The following CCDC171 variants were observed in gnomAD, a reference collection of about 807,000 sequenced individuals.
CCDC171 encodes coiled-coil domain-containing protein 171.
Under a neutral mutation model 168.2 loss-of-function variants are expected in CCDC171, and 177 were observed. The observed-to-expected ratio is 1.05, with a 90% CI of 0.93 to 1.19. The LOEUF (loss-of-function observed/expected upper bound fraction) is 1.19, where lower values mean the gene tolerates loss of function less well. Among genes scored for constraint, CCDC171 ranks in the 50% most tolerant of loss-of-function variants. The probability of loss-of-function intolerance (pLI) is 0.00; values close to 1 mark genes in which losing one functional copy is unlikely to be tolerated. For synonymous variants in CCDC171, 687 were observed against 540.8 expected (o/e 1.27, Z -3.75); for missense variants, 1,991 against 1,539.0 (o/e 1.29, Z -4.91).
intron 11 of CCDC171, among the ~76,000 whole-genome samples, chr9:15,718,632 CTGTT>C (rs2053248824): frequency 2.6e-5 from 4 of 152,020 alleles, no homozygotes; most frequent in Admixed American, 2.6e-4. Flanking sequence ...CAGAGAGACT[CTGTT>C]TGGGAGAAAG....
the CCDC171 span, among the ~76,000 whole-genome samples, chr9:16,079,211 G>T: frequency 6.6e-6 from 1 of 152,158 alleles, no homozygotes; most frequent in Non-Finnish European, 1.5e-5. Flanking sequence ...CTGATCCACG[G>T]GCCATCTGAC....
chr9:15,687,128 T>C (rs1394849877), intron 10 of CCDC171, among the ~76,000 whole-genome samples: 1 of 152,114 alleles, frequency 6.6e-6, no homozygotes, highest in Non-Finnish European at 1.5e-5. Context: ...TTCACAAATA[T>C]GTGAAAATTA....
intron 11 of CCDC171, among the ~76,000 whole-genome samples, chr9:15,720,393 C>T (rs919510032): frequency 6.6e-6 from 1 of 152,050 alleles, no homozygotes; most frequent in African/African-American, 2.4e-5. Flanking sequence ...TCTATAAAGA[C>T]AGAGGCTATA....
At chr9:15,761,735 G>T (rs2056455323) in intron 18 of CCDC171, among the ~76,000 whole-genome samples, 2 of 152,042 alleles carry the variant, frequency 1.3e-5, no homozygotes, top group Admixed American at 6.6e-5. Flanking sequence ...TATCGTTTCT[G>T]GTGCTTCAGC....
chr9:15,797,090 T>C (rs1588558442), intron 21 of CCDC171, among the ~76,000 whole-genome samples: 1 of 152,210 alleles, frequency 6.6e-6, no homozygotes, highest in East Asian at 1.9e-4. Flanking sequence ...AATGGGTGTA[T>C]ATGGTATGTT....
At position 15,628,578 on chromosome 9, in the gene CCDC171, G is replaced by A. The variant is rs1165303977; in HGVS notation, c.822+5165G>A. Among the ~76,000 whole-genome samples, 5 of 152,360 alleles carry A rather than the reference G, an allele frequency of 3.3e-5. No homozygotes were observed. The South Asian group carries it at 8.3e-4, about 25-fold the overall frequency. On this transcript the variant is annotated intron_variant, in intron 7 of 25. Transcript: ENST00000380701. ...AGCTCAAGGAGGCCTGCCTGCCTCT[G>A]TAGGCTCCACCTATGGGGGCAGGGC...
At chr9:15,713,796 C>G (rs2052868928) in intron 11 of CCDC171, among the ~76,000 whole-genome samples, 1 of 151,526 alleles carries the variant, frequency 6.6e-6, no homozygotes, top group African/African-American at 2.4e-5. Context: ...ATGATGCCAT[C>G]AATTTAGTAG....
chr9:15,669,744 A>G (rs1320704516), intron 9 of CCDC171, among the ~76,000 whole-genome samples: 3 of 152,158 alleles, frequency 2.0e-5, no homozygotes, highest in African/African-American at 7.2e-5. Context: ...AGTCAAATAT[A>G]TCATGCTGAA....
intron 18 of CCDC171, among the ~76,000 whole-genome samples, chr9:15,754,601 T>C (rs2055979287): frequency 6.6e-6 from 1 of 152,148 alleles, no homozygotes; most frequent in Admixed American, 6.6e-5. Flanking sequence ...GCTAAGCTGC[T>C]CTACAGGGGA....
chr9:15,950,962 G>A (rs1285674452), intron 25 of CCDC171, among the ~76,000 whole-genome samples: 1 of 151,380 alleles, frequency 6.6e-6, no homozygotes, highest in Admixed American at 6.6e-5. Context: ...AAAAGAGGCA[G>A]GGGTTGCAAT....
At chr9:15,764,799 G>A (rs956909300) in intron 18 of CCDC171, among the ~76,000 whole-genome samples, 4 of 152,178 alleles carry the variant, frequency 2.6e-5, no homozygotes, top group Non-Finnish European at 4.4e-5. Context: ...AACCCTGGTT[G>A]TACATTAGAA....
chr9:15,825,636 C>T (rs1400315157), intron 21 of CCDC171, among the ~76,000 whole-genome samples: 1 of 152,090 alleles, frequency 6.6e-6, no homozygotes, highest in Non-Finnish European at 1.5e-5. Flanking sequence ...ATTACCCTCC[C>T]TATTTCCAAT....
intron 11 of CCDC171, among the ~76,000 whole-genome samples, chr9:15,710,297 GTCTC>G (rs59946349): frequency 1.6e-4 from 24 of 149,954 alleles, no homozygotes; most frequent in Admixed American, 1.1e-3. Flanking sequence ...CTCCTCTTCT[GTCTC>G]TCTCTCTCTC....
chr9:15,691,117 C>G lies in CCDC171; in HGVS notation c.1216-4118C>G, dbSNP rs532286783. On this transcript the variant is annotated intron_variant, in intron 10 of 25. Coordinates refer to ENST00000380701, the MANE Select transcript of CCDC171 (RefSeq NM_173550.4). Reference sequence around the variant, plus strand: ...TGAGTAGATATACTTAACGTACATGCAAAATATAAAAAGAACATATGTAAG... The same window carrying G: ...TGAGTAGATATACTTAACGTACATGGAAAATATAAAAAGAACATATGTAAG... Among the ~76,000 whole-genome samples the G allele has an allele frequency of 2.6e-5, 4 of 151,984 alleles. No homozygotes were observed. In the East Asian group the frequency reaches 7.7e-4, roughly 29 times the overall value.
intron 1 of CCDC171, among the ~76,000 whole-genome samples, chr9:15,563,320 T>C (rs1297422562): frequency 1.3e-5 from 2 of 152,020 alleles, no homozygotes; most frequent in African/African-American, 2.4e-5. Flanking sequence ...ATATTTTTAG[T>C]AGAGGTGGGG....
chr9:15,612,373 T>C (rs1564049685), intron 6 of CCDC171, among the ~76,000 whole-genome samples: 2 of 152,246 alleles, frequency 1.3e-5, no homozygotes, highest in South Asian at 4.1e-4. Flanking sequence ...TTGGCTATCA[T>C]TTTCTCCACC....
At chr9:16,096,803 A>T in the CCDC171 span, among the ~76,000 whole-genome samples, 9 of 152,250 alleles carry the variant, frequency 5.9e-5, no homozygotes, top group Non-Finnish European at 1.5e-5. Context: ...CACCATCCAG[A>T]GTGAAACAGA....
At chr9:15,695,675 CA>C (rs2133782024) in intron 11 of CCDC171, among the ~76,000 whole-genome samples, 1 of 152,200 alleles carries the variant, frequency 6.6e-6, no homozygotes, top group South Asian at 2.1e-4. Flanking sequence ...CAAACTGAGC[CA>C]AATTCTGAGG....
intron 25 of CCDC171, among the ~76,000 whole-genome samples, chr9:15,969,999 G>A (rs1831185972): frequency 6.6e-6 from 1 of 152,156 alleles, no homozygotes; most frequent in African/African-American, 2.4e-5. Context: ...GATTTTGGAA[G>A]TTGTTTTCCT....
Sources: gnomAD v4.1 joint callset for allele counts (sites outside exome capture counted in the v4.1 genomes callset) on GRCh38, gnomAD v4.1.1 for gene constraint, MANE v1.5 for transcripts, NCBI Gene and HGNC (gene_info 2026-07-23, HGNC 2026-07-21) for gene names.